EPHA6: variants seen among roughly 807,000 people sequenced by gnomAD.
EPHA6 encodes ephrin type-A receptor 6.
A neutral mutation model predicts 112.0 loss-of-function variants in EPHA6; 50 were observed. The observed-to-expected ratio is 0.45, with a 90% CI of 0.36 to 0.56. The LOEUF is 0.56. Ranked by LOEUF, EPHA6 falls within the 20% of genes least tolerant of loss-of-function variation. The pLI, the probability that EPHA6 is intolerant of heterozygous loss-of-function variation, is 0.00. For synonymous variants in EPHA6, 529 were observed against 490.7 expected, an observed-to-expected ratio of 1.08 and a Z score of -1.03; for missense variants, 1,280 against 1,417.4, an observed-to-expected ratio of 0.90 and a Z score of 1.56.
rs564948281 is a variant in EPHA6, at chr3:97,259,285, CAATAAG to C, written c.1606+15003_1606+15008del. Among the ~76,000 whole-genome samples, 571 of 152,206 alleles carry C rather than the reference CAATAAG, an allele frequency of 3.8e-3. 1 individual carries two copies. The highest frequency in any genetic ancestry group is 0.013 in the African/African-American group (527 of 41,544). On this transcript the variant is annotated intron_variant, in intron 5 of 17. Coordinates refer to ENST00000389672, the MANE Select transcript of EPHA6 (RefSeq NM_001080448.3). The stretch of plus-strand genomic sequence containing the variant: ...AATAATTTTAATTCTTTAGGCATAA[CAATAAG>C]AATATCTTCTCTGCATTTTTTTCAC...
rs145752407 is a variant in EPHA6, at chr3:97,701,139, A to G, written c.2785-19122A>G. On this transcript the variant is annotated intron_variant, in intron 14 of 17. Coordinates refer to ENST00000389672, the MANE Select transcript of EPHA6 (RefSeq NM_001080448.3). Reference sequence around the variant, plus strand: ...TAAGTATTTTAGTGTGAAGGATTCCAGTATGAGTTTATTCTAATGGAACCT... The same window carrying G: ...TAAGTATTTTAGTGTGAAGGATTCCGGTATGAGTTTATTCTAATGGAACCT... Among the ~76,000 whole-genome samples, 329 of 152,318 alleles carry G rather than the reference A, an allele frequency of 2.2e-3. 2 individuals carry two copies. Among genetic ancestry groups the G allele is most frequent in the African/African-American group, 7.6e-3 (318 of 41,586 alleles).
intron 5 of EPHA6, among the ~76,000 whole-genome samples, chr3:97,320,924 T>C (rs532081210): frequency 4.0e-5 from 6 of 151,858 alleles, no homozygotes; most frequent in Non-Finnish European, 7.4e-5. Context: ...GCTTTGGAGT[T>C]ATTGCACATT....
chr3:97,203,088 A>C (rs952032957), intron 3 of EPHA6, among the ~76,000 whole-genome samples: 6 of 152,088 alleles, frequency 3.9e-5, no homozygotes, highest in Admixed American at 3.3e-4. Flanking sequence ...TTTGAATTTT[A>C]TTCTAAGTTT....
chr3:97,480,511 T>A (rs1476254563), intron 9 of EPHA6, among the ~76,000 whole-genome samples: 5 of 152,136 alleles, frequency 3.3e-5, no homozygotes, highest in Admixed American at 3.3e-4. Flanking sequence ...TAACCCTGAG[T>A]GGACACAGCA....
intron 2 of EPHA6, among the ~76,000 whole-genome samples, chr3:96,926,183 C>T (rs551520010): frequency 1.1e-4 from 16 of 152,100 alleles, no homozygotes; most frequent in Non-Finnish European, 1.5e-4. Flanking sequence ...TGGCAGCAGG[C>T]GAGAGAGTGA....
At chr3:96,834,882 T>C (rs1157060172) in intron 1 of EPHA6, among the ~76,000 whole-genome samples, 1 of 152,004 alleles carries the variant, frequency 6.6e-6, no homozygotes, top group Non-Finnish European at 1.5e-5. Context: ...TTTGAAGATT[T>C]ATAGATGGGG....
At chr3:97,588,582 G>C (rs2093513563) in intron 11 of EPHA6, among the ~76,000 whole-genome samples, 1 of 152,106 alleles carries the variant, frequency 6.6e-6, no homozygotes, top group East Asian at 1.9e-4. Context: ...ATATGTATGT[G>C]GGGGAATCTG....
intron 6 of EPHA6, among the ~76,000 whole-genome samples, chr3:97,446,252 C>G (rs2090341834): frequency 6.6e-6 from 1 of 152,124 alleles, no homozygotes; most frequent in African/African-American, 2.4e-5. Flanking sequence ...TGTCAGCAAG[C>G]TGTAAGACGT....
chr3:97,428,429 A>G (rs2089297108), intron 6 of EPHA6, among the ~76,000 whole-genome samples: 1 of 152,188 alleles, frequency 6.6e-6, no homozygotes, highest in Non-Finnish European at 1.5e-5. Context: ...ATATCACTTT[A>G]GTATATTTTA....
intron 1 of EPHA6, among the ~76,000 whole-genome samples, chr3:96,848,351 G>A (rs1038199070): frequency 2.0e-5 from 3 of 152,076 alleles, no homozygotes; most frequent in Non-Finnish European, 4.4e-5. Flanking sequence ...CAAATCAATT[G>A]TTATAAAAAT....
At chr3:97,158,389 A>G (rs1214884698) in intron 3 of EPHA6, among the ~76,000 whole-genome samples, 2 of 152,120 alleles carry the variant, frequency 1.3e-5, no homozygotes, top group Non-Finnish European at 2.9e-5. Context: ...ACCTTCTTCT[A>G]CTACCTATTC....
intron 6 of EPHA6, among the ~76,000 whole-genome samples, chr3:97,420,014 G>A (rs1292468374): frequency 6.6e-6 from 1 of 152,072 alleles, no homozygotes; most frequent in Non-Finnish European, 1.5e-5. Flanking sequence ...AGAATACAGA[G>A]GAAAAGGAAA....
chr3:97,003,002 G>A (rs2043725513), intron 3 of EPHA6, among the ~76,000 whole-genome samples: 1 of 152,130 alleles, frequency 6.6e-6, no homozygotes, highest in Non-Finnish European at 1.5e-5. Flanking sequence ...TAATTAATGG[G>A]AAGAATAGAC....
chr3:97,753,494 A>C lies in EPHA6; in HGVS notation c.*4793A>C, dbSNP rs1033226141. Among the ~76,000 whole-genome samples, 3 of 152,130 alleles carry C rather than the reference A, an allele frequency of 2.0e-5. No individual in the cohort carries two copies. The highest frequency in any genetic ancestry group is 7.2e-5 in the African/African-American group (3 of 41,446). On this transcript the variant is annotated 3_prime_UTR_variant, in exon 18 of 18. Coordinates refer to ENST00000389672, the MANE Select transcript of EPHA6 (RefSeq NM_001080448.3). ...GGGAAGCATACTTCCTGGGTTCTCT[A>C]AAACAGTTTCTCTCATTAACAGTTG...
Position 97,619,438 on chromosome 3 carries a change from G to T in EPHA6, c.2574+8584G>T, listed in dbSNP as rs77884140. ...AGCAATCAGACAATAGAAAAAGGGGGGGGGGGGCATCCAAATAGGAAGAGA... is the reference window on the plus strand; with the variant it reads ...AGCAATCAGACAATAGAAAAAGGGGTGGGGGGGCATCCAAATAGGAAGAGA... On this transcript the variant is annotated intron_variant, in intron 13 of 17. Transcript: ENST00000389672. Among the ~76,000 whole-genome samples the T allele has an allele frequency of 4.2e-4, 62 of 148,578 alleles. No homozygotes were observed. In the East Asian group the frequency reaches 5.1e-3, roughly 12 times the overall value.
intron 3 of EPHA6, among the ~76,000 whole-genome samples, chr3:97,140,235 GAAAT>G (rs1254299004): frequency 1.3e-5 from 2 of 151,978 alleles, no homozygotes; most frequent in African/African-American, 2.4e-5. Flanking sequence ...TGAATAATAA[GAAAT>G]AAAAGTAAAA....
At chr3:97,446,300 C>T (rs950804474) in intron 6 of EPHA6, among the ~76,000 whole-genome samples, 18 of 148,216 alleles carry the variant, frequency 1.2e-4, no homozygotes, top group Admixed American at 1.2e-3. Context: ...GTGAGTGATT[C>T]GGGCTGAAGA....
intron 1 of EPHA6, among the ~76,000 whole-genome samples, chr3:96,828,604 CG>C (rs2033818730): frequency 6.6e-6 from 1 of 152,060 alleles, no homozygotes; most frequent in Non-Finnish European, 1.5e-5. Context: ...AAATAAACCC[CG>C]GAATCAGATA....
intron 2 of EPHA6, among the ~76,000 whole-genome samples, chr3:96,925,484 G>A (rs972451510): frequency 2.0e-5 from 3 of 151,614 alleles, no homozygotes; most frequent in Non-Finnish European, 4.4e-5. Context: ...TGGGGTCAGT[G>A]GTGTTATTTC....
Sources: gnomAD v4.1 joint callset for allele counts (sites outside exome capture counted in the v4.1 genomes callset) on GRCh38, gnomAD v4.1.1 for gene constraint, MANE v1.5 for transcripts, NCBI Gene and HGNC (gene_info 2026-07-23, HGNC 2026-07-21) for gene names.